PPARGC1A: variants seen among roughly 807,000 people sequenced by gnomAD.
The protein encoded by PPARGC1A is PPARG coactivator 1 alpha.
In PPARGC1A, 25 loss-of-function variants were observed where a neutral mutation model predicts 88.7. The observed-to-expected ratio is 0.28, with a 90% CI of 0.21 to 0.39. PPARGC1A has a LOEUF of 0.39. Ranked by LOEUF, PPARGC1A falls within the 10% of genes least tolerant of loss-of-function variation. The probability of loss-of-function intolerance (pLI) is 1.00; values close to 1 mark genes in which losing one functional copy is unlikely to be tolerated. For missense variants in PPARGC1A, 880 were observed against 968.7 expected (o/e 0.91, Z 1.22); for synonymous variants, 363 against 355.6 (o/e 1.02, Z -0.24).
intron 1 of PPARGC1A, 107 bp from the exon 2 acceptor site, chr4:23,885,038 A>T (rs1236483158): frequency 1.0e-6 from 1 of 973,964 alleles, no homozygotes; most frequent in East Asian, 2.8e-5. Flanking sequence ...ATTCAACTAC[A>T]CTACCAAAGC....
At chr4:24,194,392 C>T in the PPARGC1A span, among the ~76,000 whole-genome samples, 1 of 152,100 alleles carries the variant, frequency 6.6e-6, no homozygotes, top group Non-Finnish European at 1.5e-5. Flanking sequence ...TTTTTCTATA[C>T]ACCAACTCCA....
In PPARGC1A at chr4:23,814,084, C is replaced by A; in HGVS notation, c.1399G>T (p.Gly467Cys). ...TCAAAAACAGCTTGACTGGGATGACCGAAGTGCTTGTTCAGCTCGGCTCGG... is the reference window on the plus strand; with the variant it reads ...TCAAAAACAGCTTGACTGGGATGACAGAAGTGCTTGTTCAGCTCGGCTCGG... ...EIRAELNKHFGHPSQAVFDDE... is the reference protein window; with the variant it reads ...EIRAELNKHFCHPSQAVFDDE... Residue 467 changes from glycine to cysteine, a missense_variant, in exon 8 of 13, where the codon GGT becomes TGT. Coordinates refer to ENST00000264867, the MANE Select transcript of PPARGC1A (RefSeq NM_013261.5). The A allele has an allele frequency of 1.2e-6, 2 of 1,614,022 alleles. No individual in the cohort carries two copies. The highest frequency in any genetic ancestry group is 1.3e-5 in the African/African-American group (1 of 74,994).
At chr4:24,008,164 T>G in the PPARGC1A span, among the ~76,000 whole-genome samples, 121,613 of 152,082 alleles carry the variant, frequency 0.8, 49,507 homozygotes, top group African/African-American at 0.94. Context: ...GGGAAGCTAT[T>G]TGACCAGCCT....
chr4:23,812,695 A>C (rs985809073), intron 10 of PPARGC1A, 52 bp downstream of exon 10: 51 of 1,602,470 alleles, frequency 3.2e-5, no homozygotes, highest in Middle Eastern at 1.7e-4. Flanking sequence ...AAAAGCACAC[A>C]GAAAAAGAAG....
chr4:24,301,232 A>C, the PPARGC1A span, among the ~76,000 whole-genome samples: 19 of 152,200 alleles, frequency 1.2e-4, no homozygotes, highest in East Asian at 3.9e-4. Context: ...TCGTAAAAAG[A>C]AGCACAGGTT....
At chr4:24,434,299 G>A in the PPARGC1A span, among the ~76,000 whole-genome samples, 16 of 152,278 alleles carry the variant, frequency 1.1e-4, no homozygotes, top group African/African-American at 3.6e-4. Flanking sequence ...ATTTTTCACG[G>A]AGGATTTGCT....
At chr4:24,177,205 T>C in the PPARGC1A span, among the ~76,000 whole-genome samples, 1 of 152,162 alleles carries the variant, frequency 6.6e-6, no homozygotes, top group Non-Finnish European at 1.5e-5. Flanking sequence ...TAGTAAAGAC[T>C]TGGAACCAAC....
chr4:23,960,646 C>T, the PPARGC1A span, among the ~76,000 whole-genome samples: 1 of 152,028 alleles, frequency 6.6e-6, no homozygotes, highest in Admixed American at 6.6e-5. Flanking sequence ...ATCATTATTT[C>T]CGGCAGAGAG....
At chr4:23,906,280 T>G (rs1041318656), upstream of PPARGC1A, among the ~76,000 whole-genome samples, 20 of 151,770 alleles carry the variant, frequency 1.3e-4, no homozygotes, top group Admixed American at 1.1e-3. Context: ...AAGGCCGGAG[T>G]AAAACACATA....
At chr4:24,072,151 ATATTT>A in the PPARGC1A span, among the ~76,000 whole-genome samples, 3 of 147,360 alleles carry the variant, frequency 2.0e-5, no homozygotes, top group Admixed American at 6.8e-5. Context: ...TATTTTATAT[ATATTT>A]TATTTTTATA....
chr4:23,972,067 T>C, the PPARGC1A span, among the ~76,000 whole-genome samples: 1 of 152,090 alleles, frequency 6.6e-6, no homozygotes, highest in Non-Finnish European at 1.5e-5. Context: ...ATGATGTTGG[T>C]TAAGTAGGAT....
the PPARGC1A span, among the ~76,000 whole-genome samples, chr4:24,161,264 A>G: frequency 6.6e-6 from 1 of 152,206 alleles, no homozygotes; most frequent in Admixed American, 6.5e-5. Context: ...AAATCTAGCT[A>G]TGTACTCTCC....
the PPARGC1A span, among the ~76,000 whole-genome samples, chr4:24,372,703 T>C: frequency 6.6e-6 from 1 of 152,234 alleles, no homozygotes; most frequent in African/African-American, 2.4e-5. Flanking sequence ...GGCCTGGTTT[T>C]GAATCTCACT....
the PPARGC1A span, among the ~76,000 whole-genome samples, chr4:24,459,070 T>C: frequency 6.6e-6 from 1 of 152,058 alleles, no homozygotes; most frequent in Non-Finnish European, 1.5e-5. Flanking sequence ...ATAAGAAAAA[T>C]TAATAATATG....
the PPARGC1A span, among the ~76,000 whole-genome samples, chr4:24,325,838 A>C: frequency 2.0e-5 from 3 of 152,166 alleles, no homozygotes; most frequent in Non-Finnish European, 2.9e-5. Flanking sequence ...TTGCCTCCAT[A>C]ACTATTGTGG....
the PPARGC1A span, among the ~76,000 whole-genome samples, chr4:24,073,511 T>C: frequency 6.6e-6 from 1 of 152,188 alleles, no homozygotes; most frequent in Non-Finnish European, 1.5e-5. Context: ...CCCCTAAAAC[T>C]TTCAATAGCT....
the PPARGC1A span, among the ~76,000 whole-genome samples, chr4:23,935,940 C>G: frequency 6.6e-6 from 1 of 151,810 alleles, no homozygotes; most frequent in Non-Finnish European, 1.5e-5. Flanking sequence ...ACAGCCTATA[C>G]ATGTATTTTT....
chr4:24,427,750 G>T, the PPARGC1A span, among the ~76,000 whole-genome samples: 1 of 152,066 alleles, frequency 6.6e-6, no homozygotes, highest in Non-Finnish European at 1.5e-5. Context: ...GGCAGGAGGG[G>T]TGGTTACTGG....
the PPARGC1A span, among the ~76,000 whole-genome samples, chr4:23,946,842 ACATAC>A: frequency 6.6e-6 from 1 of 151,866 alleles, no homozygotes; most frequent in African/African-American, 2.4e-5. Flanking sequence ...ACACACACAC[ACATAC>A]ATGTATGTAA....
Sources: allele counts gnomAD v4.1 joint callset (sites outside exome capture counted in the v4.1 genomes callset), GRCh38; gene constraint gnomAD v4.1.1; transcripts MANE v1.5; gene names NCBI Gene and HGNC (gene_info 2026-07-23, HGNC 2026-07-21).